GNAO1: variants seen among roughly 807,000 people sequenced by gnomAD.
The protein encoded by GNAO1 is guanine nucleotide-binding protein G(o) subunit alpha.
For missense variants in GNAO1, 166 were observed against 478.7 expected (o/e 0.35, Z 6.10); for synonymous variants, 164 against 180.7 (o/e 0.91, Z 0.74).
intron 2 of GNAO1, among the ~76,000 whole-genome samples, chr16:56,205,218 C>T (rs2036316288): frequency 6.6e-6 from 1 of 152,196 alleles, no homozygotes; most frequent in Admixed American, 6.5e-5. Flanking sequence ...TGGTTTGACG[C>T]TGTTCCACAG....
At chr16:56,236,435 A>T (rs1192689139) in intron 2 of GNAO1, among the ~76,000 whole-genome samples, 1 of 152,178 alleles carries the variant, frequency 6.6e-6, no homozygotes, top group East Asian at 1.9e-4. Context: ...AGAAAGGGAA[A>T]GTGGAGGTGG....
intron 2 of GNAO1, among the ~76,000 whole-genome samples, chr16:56,244,797 T>C (rs1039781513): frequency 6.6e-6 from 1 of 152,104 alleles, no homozygotes. Flanking sequence ...ATGCACGTGC[T>C]GTCAGGAGCA....
At chr16:56,197,889 G>C (rs978842158) in intron 2 of GNAO1, among the ~76,000 whole-genome samples, 2 of 152,012 alleles carry the variant, frequency 1.3e-5, no homozygotes, top group Non-Finnish European at 2.9e-5. Flanking sequence ...CTATTTTTCC[G>C]ATATGTGCTC....
In GNAO1 at chr16:56,311,117, C is replaced by CT. The variant is rs1170153502; in HGVS notation, c.304-17508dup. 6.7e-6 allele frequency among the ~76,000 whole-genome samples: 1 copy of CT among 149,900 alleles called. No individual in the cohort carries two copies. Among genetic ancestry groups the CT allele is most frequent in the Non-Finnish European group, 1.5e-5 (1 of 67,846 alleles). The stretch of plus-strand genomic sequence containing the variant: ...CCTTACAACCTGCAGAAAGGAACTC[C>CT]TTTTTTCTAATTGTACCGGCTGGCT... On this transcript the variant is annotated intron_variant, in intron 3 of 8. Coordinates refer to ENST00000262493, the MANE Select transcript of GNAO1 (RefSeq NM_020988.3). This position sits in a 1 kb window ranked among gnomAD's most constrained non-coding sequence, Gnocchi z 5.2.
At chr16:56,212,667 A>G (rs971391603) in intron 2 of GNAO1, among the ~76,000 whole-genome samples, 1 of 152,248 alleles carries the variant, frequency 6.6e-6, no homozygotes, top group Non-Finnish European at 1.5e-5. Context: ...ATTTCTGCCT[A>G]TCTATGACAC....
At chr16:56,314,392 G>A (rs2037487766) in intron 3 of GNAO1, among the ~76,000 whole-genome samples, 1 of 152,224 alleles carries the variant, frequency 6.6e-6, no homozygotes, top group Non-Finnish European at 1.5e-5. Flanking sequence ...AGTGTCCCAT[G>A]AAGGAAGGGA....
intron 3 of GNAO1, among the ~76,000 whole-genome samples, chr16:56,300,399 A>G (rs1320262630): frequency 2.0e-5 from 3 of 152,222 alleles, no homozygotes; most frequent in Non-Finnish European, 4.4e-5. Flanking sequence ...GCTGCAGCTC[A>G]CCACGGCCAA....
At chr16:56,216,377 A>T (rs2036437191) in intron 2 of GNAO1, among the ~76,000 whole-genome samples, 1 of 152,188 alleles carries the variant, frequency 6.6e-6, no homozygotes, top group African/African-American at 2.4e-5. Flanking sequence ...GAGGTATTTG[A>T]ACCCTTAAAA....
intron 2 of GNAO1, among the ~76,000 whole-genome samples, chr16:56,245,137 T>TAA (rs369359239): frequency 1.4e-5 from 2 of 146,928 alleles, no homozygotes; most frequent in Non-Finnish European, 1.5e-5. Context: ...ATTTTATAGA[T>TAA]AAAAAAAAAA....
intron 2 of GNAO1, among the ~76,000 whole-genome samples, chr16:56,235,769 T>C (rs1399269580): frequency 6.6e-6 from 1 of 152,184 alleles, no homozygotes; most frequent in Non-Finnish European, 1.5e-5. Context: ...GCCTTGTAGG[T>C]AGCCACTTGC....
At chr16:56,220,225 A>G (rs971813414) in intron 2 of GNAO1, among the ~76,000 whole-genome samples, 62 of 152,094 alleles carry the variant, frequency 4.1e-4, no homozygotes, top group African/African-American at 1.5e-3. Flanking sequence ...CTGCCATCAT[A>G]CCTACCTGCT....
At chr16:56,302,917 T>C (rs924673844) in intron 3 of GNAO1, 19 of 152,224 alleles carry the variant, frequency 1.2e-4, no homozygotes, top group African/African-American at 3.9e-4. Flanking sequence ...AAAAACACTT[T>C]TTTTCTGTCT....
chr16:56,327,784 C>T (rs1322152605), intron 3 of GNAO1, among the ~76,000 whole-genome samples: 2 of 152,120 alleles, frequency 1.3e-5, no homozygotes, highest in African/African-American at 4.8e-5. Flanking sequence ...AATTCATCTA[C>T]ACCCACTCAG....
chr16:56,318,307 G>A (rs2037534214), intron 3 of GNAO1, among the ~76,000 whole-genome samples: 1 of 152,246 alleles, frequency 6.6e-6, no homozygotes, highest in African/African-American at 2.4e-5. Context: ...TTCTTCGCCA[G>A]CTGGAATTGT....
Position 56,328,802 on chromosome 16 carries a change from C to A in GNAO1, c.464+11C>A. The A allele has an allele frequency of 1.2e-6, 2 of 1,613,462 alleles. No individual in the cohort carries two copies. Among genetic ancestry groups the A allele is most frequent in the South Asian group, 1.1e-5 (1 of 91,056 alleles). On this transcript the variant is annotated intron_variant, in intron 4 of 8. Coordinates refer to ENST00000262493, the MANE Select transcript of GNAO1 (RefSeq NM_020988.3). ...CGACTCTGCCAAATAGTGAGTGTCC[C>A]AGCGGGCGCATGGCCTGGAGCCGGG...
At chr16:56,340,297 T>C (rs1358044532) in intron 6 of GNAO1, 1 of 151,818 alleles carries the variant, frequency 6.6e-6, no homozygotes, top group Non-Finnish European at 1.5e-5. Flanking sequence ...CACAGCAAGC[T>C]CACCCCCGAG....
intron 3 of GNAO1, among the ~76,000 whole-genome samples, chr16:56,295,900 C>T (rs768735793): frequency 1.1e-4 from 17 of 152,242 alleles, no homozygotes; most frequent in Admixed American, 6.5e-4. Context: ...CTGTCACTGG[C>T]GTCTTCCTTG....
At chr16:56,335,676 C>T (rs2037733652) in intron 5 of GNAO1, among the ~76,000 whole-genome samples, 1 of 152,166 alleles carries the variant, frequency 6.6e-6, no homozygotes, top group African/African-American at 2.4e-5. Flanking sequence ...GCAGAGCAGC[C>T]CTGAGGGGCC....
At position 56,276,089 on chromosome 16, in the gene GNAO1, A is replaced by G. The variant is rs2037059224; in HGVS notation, c.303+17A>G. On this transcript the variant is annotated intron_variant, in intron 3 of 8. Transcript: ENST00000262493. ...GAGAGAAAGGTAGGCCCCTGAGCCC[A>G]TAAGCACAGCAACAAGAGGTTCTGT... 2.5e-6 allele frequency: 4 copies of G among 1,607,152 alleles called. No individual in the cohort carries two copies. In the South Asian group the frequency reaches 4.4e-5, roughly 18 times the overall value.
Sources: gnomAD v4.1 joint callset for allele counts (sites outside exome capture counted in the v4.1 genomes callset) on GRCh38, gnomAD v4.1.1 for gene constraint, Gnocchi (gnomAD v3.1) non-coding constraint, MANE v1.5 for transcripts, NCBI Gene and HGNC (gene_info 2026-07-23, HGNC 2026-07-21) for gene names.